IL7: variants seen among roughly 807,000 people sequenced by gnomAD.
IL7 encodes interleukin-7.
In IL7, 3 loss-of-function variants were observed where a neutral mutation model predicts 21.6. The observed-to-expected ratio is 0.14, with a 90% CI of 0.06 to 0.36. The LOEUF is 0.36. IL7 is among the 10% of genes least tolerant of loss of function. The probability of loss-of-function intolerance (pLI) is 1.00; values close to 1 mark genes in which losing one functional copy is unlikely to be tolerated. For synonymous variants in IL7, 62 were observed against 68.1 expected, an observed-to-expected ratio of 0.91 and a Z score of 0.44; for missense variants, 175 against 200.2, an observed-to-expected ratio of 0.87 and a Z score of 0.76.
intron 2 of IL7, among the ~76,000 whole-genome samples, chr8:78,748,618 G>C (rs1198724154): frequency 2.0e-5 from 3 of 152,146 alleles, no homozygotes; most frequent in Non-Finnish European, 2.9e-5. Flanking sequence ...ATAGGAAATA[G>C]AAGAAGAGGT....
rs143871734 is a variant in IL7, at chr8:78,801,470, T to C, written c.11-3262A>G. On this transcript the variant is annotated intron_variant, in intron 1 of 5. Coordinates refer to ENST00000263851, the MANE Select transcript of IL7 (RefSeq NM_000880.4). ...TACTTGGGAGGCTGAGGCAGGAGGA[T>C]TGTTTGAGCCTGGAAGTCAAGGCTG... Among the ~76,000 whole-genome samples, 553 of 152,118 alleles carry C rather than the reference T, an allele frequency of 3.6e-3. 3 individuals are homozygous for C. The highest frequency in any genetic ancestry group is 0.012 in the African/African-American group (511 of 41,516).
chr8:78,716,125 T>C (rs1811093726), downstream of IL7, among the ~76,000 whole-genome samples: 1 of 151,576 alleles, frequency 6.6e-6, no homozygotes, highest in South Asian at 2.1e-4. Context: ...GTTTTTGTTT[T>C]TTTGGTTTGT....
intron 6 of IL7, chr8:78,718,069 A>G (rs570097477): frequency 6.6e-5 from 10 of 152,178 alleles, no homozygotes; most frequent in Non-Finnish European, 1.5e-4. Flanking sequence ...CCCCTCTATT[A>G]GTTACGTAAT....
At chr8:78,760,886 A>G (rs55773397) in intron 2 of IL7, 17 of 1,560,606 alleles carry the variant, frequency 1.1e-5, no homozygotes, top group Non-Finnish European at 1.5e-5. Flanking sequence ...TACTGCAGTC[A>G]AGCTACCGGC....
At chr8:78,682,715 T>C (rs1809828640) in intron 4 of IL7, among the ~76,000 whole-genome samples, 2 of 152,152 alleles carry the variant, frequency 1.3e-5, no homozygotes, top group South Asian at 2.1e-4. Context: ...CAATCATGCC[T>C]TCCCAACAGT....
chr8:78,762,255 A>G lies in IL7; in HGVS notation c.148-22173T>C. On this transcript the variant is annotated intron_variant, in intron 2 of 5. Transcript: ENST00000263851. ...ATAGAGGTCTCAAAATGTTTGGCAC[A>G]TAATCGATAATGTTTATTTAGCTGA... 6.3e-6 allele frequency: 10 copies of G among 1,578,788 alleles called. No homozygotes were observed. In the South Asian group the frequency reaches 1.0e-4, roughly 16 times the overall value.
intron 4 of IL7, chr8:78,678,895 G>T (rs1809671930): frequency 3.4e-6 from 1 of 293,394 alleles, no homozygotes; most frequent in African/African-American, 2.2e-5. Flanking sequence ...AAACTTCAAA[G>T]AAGAGACCAA....
chr8:78,688,000 T>C (rs1239916803), intron 3 of IL7, among the ~76,000 whole-genome samples: 1 of 147,030 alleles, frequency 6.8e-6, no homozygotes, highest in Non-Finnish European at 1.5e-5. Flanking sequence ...TATATAAATA[T>C]AAAATGAGCA....
chr8:78,800,606 A>T (rs1233123739), intron 1 of IL7, among the ~76,000 whole-genome samples: 1 of 152,040 alleles, frequency 6.6e-6, no homozygotes, highest in African/African-American at 2.4e-5. Context: ...GCCATACCAC[A>T]TTTTCTTTAT....
intron 3 of IL7, among the ~76,000 whole-genome samples, chr8:78,690,603 A>G (rs995029529): frequency 3.9e-5 from 6 of 151,962 alleles, no homozygotes; most frequent in Non-Finnish European, 5.9e-5. Flanking sequence ...TTACATTTAT[A>G]TATACATTTT....
downstream of IL7, among the ~76,000 whole-genome samples, chr8:78,728,166 G>A (rs553964371): frequency 6.6e-6 from 1 of 152,026 alleles, no homozygotes; most frequent in East Asian, 1.9e-4. Context: ...TTAATCCCAA[G>A]GAAGAACAGA....
intron 2 of IL7, among the ~76,000 whole-genome samples, chr8:78,742,354 T>A (rs1327126548): frequency 2.0e-5 from 3 of 151,636 alleles, no homozygotes; most frequent in Non-Finnish European, 4.4e-5. Flanking sequence ...AAGAAACAAA[T>A]CATATATCAC....
intron 2 of IL7, among the ~76,000 whole-genome samples, chr8:78,797,595 A>G (rs773303639): frequency 6.6e-6 from 1 of 151,996 alleles, no homozygotes; most frequent in Non-Finnish European, 1.5e-5. Context: ...CAAAAATAGA[A>G]AATTTAACTC....
rs1265071751 is a variant in IL7 at position 78,802,929 on chromosome 8, T to G, written c.10+1984A>C. On this transcript the variant is annotated intron_variant, in intron 1 of 5. Transcript: ENST00000263851. ...ACTAAGGTACTTCCTGGCCAAACTG[T>G]GAAACTGCATCATATGCTTTTATTT... Among the ~76,000 whole-genome samples the G allele has an allele frequency of 4.6e-5, 7 of 152,270 alleles. No homozygotes were observed. The East Asian group carries it at 1.4e-3, about 29-fold the overall frequency.
At chr8:78,757,238 A>G (rs1812378152) in intron 2 of IL7, among the ~76,000 whole-genome samples, 1 of 151,392 alleles carries the variant, frequency 6.6e-6, no homozygotes, top group South Asian at 2.1e-4. Context: ...ATTCCATTGT[A>G]CTCTGGGAAG....
At chr8:78,773,024 C>A (rs910693582) in intron 2 of IL7, among the ~76,000 whole-genome samples, 7 of 152,118 alleles carry the variant, frequency 4.6e-5, no homozygotes, top group Non-Finnish European at 1.0e-4. Flanking sequence ...TTTTATTTGA[C>A]AATAATTTAC....
chr8:78,786,719 T>C (rs1813520156), intron 2 of IL7, among the ~76,000 whole-genome samples: 1 of 152,184 alleles, frequency 6.6e-6, no homozygotes. Context: ...TTGTCCCAGA[T>C]TCCTGACACA....
downstream of IL7, among the ~76,000 whole-genome samples, chr8:78,716,448 G>A (rs1811107220): frequency 6.6e-6 from 1 of 151,994 alleles, no homozygotes; most frequent in South Asian, 2.1e-4. Flanking sequence ...ATAGATAATA[G>A]AGACCTCCCT....
At chr8:78,736,822 G>T (rs894221) in intron 4 of IL7, among the ~76,000 whole-genome samples, 1 of 151,858 alleles carries the variant, frequency 6.6e-6, no homozygotes, top group African/African-American at 2.4e-5. Context: ...GTAGGGTATA[G>T]TAGCAGAGAT....
Sources: gnomAD v4.1 joint callset for allele counts (sites outside exome capture counted in the v4.1 genomes callset) on GRCh38, gnomAD v4.1.1 for gene constraint, MANE v1.5 for transcripts, NCBI Gene and HGNC (gene_info 2026-07-23, HGNC 2026-07-21) for gene names.